Variants in CACNA1G observed in about 807,000 individuals in gnomAD.
CACNA1G encodes the protein calcium voltage-gated channel subunit alpha1 G.
CACNA1G carries 67 observed loss-of-function variants against 219.4 expected under a neutral mutation model. The ratio of observed to expected loss-of-function variants is 0.31; its 90% confidence interval spans 0.25 to 0.37. The LOEUF is 0.37. Among genes scored for constraint, CACNA1G ranks in the 10% least tolerant of loss-of-function variants. The pLI, the probability that CACNA1G is intolerant of heterozygous loss-of-function variation, is 1.00. For missense variants in CACNA1G, 2,380 were observed against 3,231.4 expected, an observed-to-expected ratio of 0.74 and a Z score of 6.39; for synonymous variants, 1,296 against 1,345.3, an observed-to-expected ratio of 0.96 and a Z score of 0.80.
intron 23 of CACNA1G, chr17:50,606,509 A>T (rs966921280): frequency 1.8e-6 from 1 of 566,216 alleles, no homozygotes. Context: ...TTTCTTTAAC[A>T]TGGTGGAAGG....
chr17:50,609,942 C>T lies in CACNA1G; in HGVS notation c.4759+7C>T, dbSNP rs376941755. 4 of 1,608,796 alleles carry T rather than the reference C, an allele frequency of 2.5e-6. No individual in the cohort carries two copies. The highest frequency in any genetic ancestry group is 1.7e-5 in the Admixed American group (1 of 60,014). On this transcript the variant is annotated splice_region_variant and intron_variant, in intron 26 of 37. Coordinates refer to ENST00000359106, the MANE Select transcript of CACNA1G (RefSeq NM_018896.5). ...TCAGCCAGCGCTGCGTCAGGTACTG[C>T]GTCTGGGGTGTGGGCTCATGCGTGT...
At chr17:50,620,971 C>G (rs1006258669) in intron 34 of CACNA1G, among the ~76,000 whole-genome samples, 3 of 152,222 alleles carry the variant, frequency 2.0e-5, no homozygotes, top group Non-Finnish European at 2.9e-5. Context: ...CCCCTGGGTC[C>G]CAGGTGAGCC....
Position 50,623,923 on chromosome 17 carries a change from C to T in CACNA1G, c.6077C>T (p.Thr2026Met), listed in dbSNP as rs375919039. 1.3e-4 allele frequency: 212 copies of T among 1,610,586 alleles called. 3 individuals carry two copies. The East Asian group carries it at 1.8e-3, about 14-fold the overall frequency. ...ALESNMQPHP[T>M]ELPGPDLLTV... is the part of the protein sequence containing the mutation. ...CTTTTGCAGATGCAGCCCCACCCCACGGAGCTGCCAGGACCAGACTTACTG... is the reference window on the plus strand; with the variant it reads ...CTTTTGCAGATGCAGCCCCACCCCATGGAGCTGCCAGGACCAGACTTACTG... Residue 2026 changes from threonine to methionine, a missense_variant, in exon 36 of 38, where the codon ACG (threonine) becomes ATG (methionine). Around this residue, in one of 17 missense-constraint regions of CACNA1G, gnomAD observed 672 missense variants for 670.5 expected, o/e 1.00. Coordinates refer to ENST00000359106, the MANE Select transcript of CACNA1G (RefSeq NM_018896.5).
At chr17:50,623,629 A>C (rs2052791734) in intron 35 of CACNA1G, among the ~76,000 whole-genome samples, 1 of 151,746 alleles carries the variant, frequency 6.6e-6, no homozygotes, top group Non-Finnish European at 1.5e-5. Context: ...AAGGTGATAC[A>C]ATGTGTGCAG....
At chr17:50,624,316 C>T in intron 36 of CACNA1G, 44 bp from the exon 37 acceptor site, 1 of 1,480,628 alleles carries the variant, frequency 6.8e-7, no homozygotes, top group Non-Finnish European at 9.2e-7. Context: ...CCCTCCAGCT[C>T]CATTCTCTCC....
intron 13 of CACNA1G, among the ~76,000 whole-genome samples, chr17:50,593,422 C>T (rs569949547): frequency 6.6e-6 from 1 of 152,374 alleles, no homozygotes; most frequent in African/African-American, 2.4e-5. Flanking sequence ...ATTCCCCTCC[C>T]CTCCTCTGCC....
At position 50,621,933 on chromosome 17, in the gene CACNA1G, C is replaced by T. The variant is rs1173885747; in HGVS notation, c.6060+139C>T. 11 of 889,562 alleles carry T rather than the reference C, an allele frequency of 1.2e-5. No homozygotes were observed. Among genetic ancestry groups the T allele is most frequent in the Non-Finnish European group, 1.9e-5 (11 of 584,642 alleles). 55.1% of individuals were successfully genotyped at this position (889,562 alleles called of 1,614,324 possible). On this transcript the variant is annotated intron_variant, in intron 35 of 37. Coordinates refer to ENST00000359106, the MANE Select transcript of CACNA1G (RefSeq NM_018896.5). The surrounding 1 kb of genome is among the most constrained non-coding windows in gnomAD (Gnocchi z 4.6). The stretch of plus-strand genomic sequence containing the variant: ...GGCTCCACCCAGAGGCATCAACTGT[C>T]AGGACCTCGGTGGCCCACGCTTTGC...
Position 50,624,152 on chromosome 17 carries a change from G to A in CACNA1G, c.6229+77G>A, listed in dbSNP as rs565818361. 3.3e-5 allele frequency: 51 copies of A among 1,535,800 alleles called. No homozygotes were observed. The East Asian group carries it at 9.5e-4, about 29-fold the overall frequency. Reference sequence around the variant, plus strand: ...GGCCTAAGCCAGTCCTGATCTGAGGGGATGGGGAACTGAGGCAGCCAAAGA... The same window carrying A: ...GGCCTAAGCCAGTCCTGATCTGAGGAGATGGGGAACTGAGGCAGCCAAAGA... On this transcript the variant is annotated intron_variant, in intron 36 of 37. Transcript: ENST00000359106.
chr17:50,588,449 C>G (rs75874977), intron 9 of CACNA1G, among the ~76,000 whole-genome samples: 7 of 78,236 alleles, frequency 8.9e-5, no homozygotes, highest in Admixed American at 2.8e-4. Context: ...GAGGGTTTGC[C>G]GACTCCCGCT....
chr17:50,595,754 T>C (rs992679943), intron 14 of CACNA1G, among the ~76,000 whole-genome samples: 1 of 152,226 alleles, frequency 6.6e-6, no homozygotes, highest in Non-Finnish European at 1.5e-5. Flanking sequence ...GACCCCATGG[T>C]GCTGCATATC....
At position 50,571,993 on chromosome 17, in the gene CACNA1G, A is replaced by C. The variant is rs765476118; in HGVS notation, c.702A>C (p.Ala234=). 6 of 1,613,936 alleles carry C rather than the reference A, an allele frequency of 3.7e-6. No homozygotes were observed. In the East Asian group the frequency reaches 1.3e-4, roughly 36 times the overall value. The change falls in exon 5 of 38, where the codon GCA becomes GCC. Residue 234 remains alanine, a synonymous_variant. Coordinates refer to ENST00000359106, the MANE Select transcript of CACNA1G (RefSeq NM_018896.5). This position sits in a 1 kb window ranked among gnomAD's most constrained non-coding sequence, Gnocchi z 4.3. ...IFGIVGVQLW[A]GLLRNRCFLP... ...GCATCGTCGGCGTCCAGCTGTGGGC[A>C]GGGCTGCTTCGGAACCGATGCTTCC...
intron 9 of CACNA1G, among the ~76,000 whole-genome samples, chr17:50,586,212 T>C (rs11079916): frequency 0.45 from 68,778 of 152,112 alleles, 16,574 homozygotes; most frequent in East Asian, 0.89. Context: ...CACTGCTTTG[T>C]ACATCTCCTT....
In CACNA1G at chr17:50,576,026, C is replaced by G; in HGVS notation, c.1624C>G (p.Leu542Val). ...LMLPPPSTPA[L>V]SGAPPGGAES... The stretch of plus-strand genomic sequence containing the variant: ...GCTGCCACCACCCTCGACGCCTGCC[C>G]TCTCCGGGGCCCCCCCTGGTGGCGC... The change falls in exon 8 of 38, where the codon CTC becomes GTC. Residue 542 changes from leucine to valine, a missense_variant. Leu to Val is a conservative substitution (Grantham distance 32). This residue lies in a region of CACNA1G where 434 missense variants were observed against 417.3 expected (regional missense o/e 1.04). Transcript: ENST00000359106. 6.4e-7 allele frequency: 1 copy of G among 1,566,566 alleles called. No individual in the cohort carries two copies. Among genetic ancestry groups the G allele is most frequent in the Non-Finnish European group, 8.6e-7 (1 of 1,156,442 alleles).
chr17:50,572,499 C>T, intron 5 of CACNA1G, 55 bp from the exon 6 acceptor site: 27 of 1,431,812 alleles, frequency 1.9e-5, no homozygotes, highest in Non-Finnish European at 2.5e-5. Context: ...CCTGGGCCCT[C>T]TCCCTGGAGA....
intron 9 of CACNA1G, among the ~76,000 whole-genome samples, chr17:50,587,501 C>T (rs1381607993): frequency 1.3e-5 from 2 of 152,238 alleles, no homozygotes; most frequent in African/African-American, 2.4e-5. Context: ...GTCCTGCATT[C>T]GCAGATCGTT....
At chr17:50,619,982 G>A (rs2051420185) in intron 34 of CACNA1G, among the ~76,000 whole-genome samples, 156 bp downstream of exon 34, 1 of 152,194 alleles carries the variant, frequency 6.6e-6, no homozygotes, top group African/African-American at 2.4e-5. Context: ...GGCAGTCAGG[G>A]GTTCTTCTAG....
At chr17:50,577,459 C>A (rs1394059465) in intron 8 of CACNA1G, among the ~76,000 whole-genome samples, 1 of 147,176 alleles carries the variant, frequency 6.8e-6, no homozygotes, top group East Asian at 2.0e-4. Context: ...ATCTAGTATG[C>A]GTGTATGCGT....
chr17:50,563,572 CT>C, intron 1 of CACNA1G: 1 of 152,310 alleles, frequency 6.6e-6, no homozygotes, highest in Non-Finnish European at 1.5e-5. Flanking sequence ...AGCATCTCTT[CT>C]CGCCTGCCCT....
intron 1 of CACNA1G, among the ~76,000 whole-genome samples, chr17:50,565,025 C>G (rs866628204): frequency 5.9e-5 from 9 of 151,312 alleles, no homozygotes; most frequent in Non-Finnish European, 7.4e-5. Context: ...ACCACACAGC[C>G]CCCCCCACCC....
Sources: allele counts gnomAD v4.1 joint callset (sites outside exome capture counted in the v4.1 genomes callset), GRCh38; gene constraint gnomAD v4.1.1; regional missense constraint gnomAD v4.1.1; non-coding constraint Gnocchi (gnomAD v3.1); transcripts MANE v1.5; gene names NCBI Gene and HGNC (gene_info 2026-07-23, HGNC 2026-07-21).